The following RAF1 variants were observed in gnomAD, a reference collection of about 807,000 sequenced individuals.
RAF1 encodes the protein Raf-1 proto-oncogene, serine/threonine kinase.
Under a neutral mutation model 81.1 loss-of-function variants are expected in RAF1, and 27 were observed. The observed-to-expected ratio is 0.33, with a 90% CI of 0.25 to 0.46. The LOEUF is 0.46. Among genes scored for constraint, RAF1 ranks in the 20% least tolerant of loss-of-function variants. The probability of loss-of-function intolerance (pLI) is 1.00; values close to 1 mark genes in which losing one functional copy is unlikely to be tolerated. For missense variants in RAF1, 598 were observed against 826.0 expected, an observed-to-expected ratio of 0.72 and a Z score of 3.38; for synonymous variants, 298 against 294.0, an observed-to-expected ratio of 1.01 and a Z score of -0.14.
At chr3:12,642,050 A>G (rs1575650243) in intron 1 of RAF1, among the ~76,000 whole-genome samples, 1 of 152,082 alleles carries the variant, frequency 6.6e-6, no homozygotes, top group Non-Finnish European at 1.5e-5. Flanking sequence ...CGGGACGCTG[A>G]GGCAGAAGAA....
chr3:12,604,328 C>T, intron 6 of RAF1, 39 bp from the exon 7 acceptor site: 8 of 1,599,894 alleles, frequency 5.0e-6, no homozygotes, highest in Non-Finnish European at 6.8e-6. Context: ...GGCACTTAGG[C>T]TTTCATACTG....
intron 1 of RAF1, among the ~76,000 whole-genome samples, chr3:12,626,786 G>A (rs1487915648): frequency 6.6e-6 from 1 of 151,836 alleles, no homozygotes; most frequent in Non-Finnish European, 1.5e-5. Context: ...CACTTTGGGA[G>A]GCTGAGGCAG....
intron 1 of RAF1, among the ~76,000 whole-genome samples, chr3:12,663,024 C>A (rs2060928784): frequency 6.6e-6 from 1 of 152,058 alleles, no homozygotes; most frequent in Admixed American, 6.6e-5. Context: ...TTCCTTCTTC[C>A]CACCACAGAA....
chr3:12,623,147 T>C (rs1311550203), intron 1 of RAF1, among the ~76,000 whole-genome samples: 2 of 152,168 alleles, frequency 1.3e-5, no homozygotes, highest in Non-Finnish European at 2.9e-5. Flanking sequence ...ACTCCTAGGC[T>C]CAAGCACTCC....
At chr3:12,592,112 C>T (rs957782641) in intron 11 of RAF1, 4 of 394,404 alleles carry the variant, frequency 1.0e-5, no homozygotes, top group East Asian at 5.9e-5. Flanking sequence ...TAACTGCTAT[C>T]GCTACAGTTA....
intron 11 of RAF1, among the ~76,000 whole-genome samples, chr3:12,594,436 T>C (rs2058622856): frequency 6.6e-6 from 1 of 152,180 alleles, no homozygotes; most frequent in Admixed American, 6.5e-5. Flanking sequence ...GGACCTCGTT[T>C]TGTAGTCCAT....
chr3:12,632,875 T>A (rs2059904727), intron 1 of RAF1, among the ~76,000 whole-genome samples: 1 of 152,218 alleles, frequency 6.6e-6, no homozygotes, highest in African/African-American at 2.4e-5. Context: ...CAGGCTTATA[T>A]TCCTGGAGAA....
chr3:12,624,816 G>GT (rs1173843518), intron 1 of RAF1, among the ~76,000 whole-genome samples: 1 of 150,554 alleles, frequency 6.6e-6, no homozygotes, highest in African/African-American at 2.4e-5. Context: ...AACCCAGGAG[G>GT]TGGAGGCTGC....
At chr3:12,636,144 G>A (rs1325184134) in intron 1 of RAF1, among the ~76,000 whole-genome samples, 1 of 151,708 alleles carries the variant, frequency 6.6e-6, no homozygotes, top group African/African-American at 2.4e-5. Flanking sequence ...AAATTAGCTG[G>A]GCATTGTGGT....
intron 8 of RAF1, among the ~76,000 whole-genome samples, chr3:12,600,722 C>T (rs145729384): frequency 2.0e-5 from 3 of 152,256 alleles, no homozygotes; most frequent in East Asian, 3.9e-4. Flanking sequence ...CCAGCACGCC[C>T]GGCTAATTTT....
At chr3:12,640,934 T>C (rs1480442258) in intron 1 of RAF1, among the ~76,000 whole-genome samples, 1 of 152,080 alleles carries the variant, frequency 6.6e-6, no homozygotes, top group Non-Finnish European at 1.5e-5. Flanking sequence ...TGTGGTACTA[T>C]TCACAATAGC....
intron 1 of RAF1, among the ~76,000 whole-genome samples, chr3:12,650,586 GA>G (rs1559487204): frequency 6.6e-6 from 1 of 151,990 alleles, no homozygotes; most frequent in Admixed American, 6.6e-5. Flanking sequence ...GGAATGAAAG[GA>G]AAAAAAGAAT....
At position 12,597,558 on chromosome 3, in the gene RAF1, C is replaced by G. The variant is rs143248849; in HGVS notation, c.1168+2133G>C. Reference sequence around the variant, plus strand: ...CCTTGTTATCTCAGACACAAGTGCTCTATCCCACAAAGTGCTTGTGTTCTT... The same window carrying G: ...CCTTGTTATCTCAGACACAAGTGCTGTATCCCACAAAGTGCTTGTGTTCTT... On this transcript the variant is annotated intron_variant, in intron 11 of 17. Coordinates refer to ENST00000442415, the MANE Select transcript of RAF1 (RefSeq NM_001354689.3). Among the ~76,000 whole-genome samples, 219 of 152,318 alleles carry G rather than the reference C, an allele frequency of 1.4e-3. 1 individual carries two copies. The highest frequency in any genetic ancestry group is 5.0e-3 in the African/African-American group (208 of 41,556).
chr3:12,629,099 T>C (rs938737086), intron 1 of RAF1, among the ~76,000 whole-genome samples: 1 of 152,158 alleles, frequency 6.6e-6, no homozygotes, highest in African/African-American at 2.4e-5. Flanking sequence ...ATGGATCATT[T>C]TAAATCAACT....
At chr3:12,608,678 C>A (rs5746204) in intron 5 of RAF1, 88 bp downstream of exon 5, 3 of 1,410,422 alleles carry the variant, frequency 2.1e-6, no homozygotes, top group African/African-American at 1.4e-5. Context: ...AGAATCCAGA[C>A]CTGTCAGTCA....
At chr3:12,630,586 G>A (rs534363986) in intron 1 of RAF1, among the ~76,000 whole-genome samples, 3 of 152,240 alleles carry the variant, frequency 2.0e-5, no homozygotes, top group Admixed American at 6.5e-5. Flanking sequence ...AGATAACTGA[G>A]AGAACAACAT....
intron 1 of RAF1, among the ~76,000 whole-genome samples, chr3:12,635,659 A>AAAG (rs2060002079): frequency 1.6e-5 from 2 of 123,698 alleles, no homozygotes; most frequent in Admixed American, 8.6e-5. Flanking sequence ...AAAAAAAAAA[A>AAAG]AGAGAGAGAG....
chr3:12,600,119 T>TA, intron 10 of RAF1, 33 bp downstream of exon 9: 3 of 1,613,754 alleles, frequency 1.9e-6, no homozygotes, highest in Non-Finnish European at 2.5e-6. Flanking sequence ...TACTGAACCC[T>TA]AATTGGCAGG....
At position 12,599,780 on chromosome 3, in the gene RAF1, T is replaced by C. The variant is rs2058798881; in HGVS notation, c.1079A>G (p.Tyr360Cys). ...TTCACTGGCTTCTATTTCCCAATAATAGCTTGAATCTCTCTGTCCACGAGG... is the reference window on the plus strand; with the variant it reads ...TTCACTGGCTTCTATTTCCCAATAACAGCTTGAATCTCTCTGTCCACGAGG... Residue 360 changes from tyrosine (Y) to cysteine (C), a missense_variant, in exon 11 of 18, where the codon TAT becomes TGT. Around this residue, in one of 5 missense-constraint regions of RAF1, gnomAD observed 194 missense variants for 202.7 expected, o/e 0.96. Coordinates refer to ENST00000442415, the MANE Select transcript of RAF1 (RefSeq NM_001354689.3). 1.2e-6 allele frequency: 2 copies of C among 1,614,140 alleles called. No individual in the cohort carries two copies. Among genetic ancestry groups the C allele is most frequent in the East Asian group, 2.2e-5 (1 of 44,884 alleles).
Sources: allele counts gnomAD v4.1 joint callset (sites outside exome capture counted in the v4.1 genomes callset), GRCh38; gene constraint gnomAD v4.1.1; regional missense constraint gnomAD v4.1.1; transcripts MANE v1.5; gene names NCBI Gene and HGNC (gene_info 2026-07-23, HGNC 2026-07-21).